ATXN7L1: variants seen among roughly 807,000 people sequenced by gnomAD.
The protein encoded by ATXN7L1 is ataxin-7-like protein 1.
ATXN7L1 carries 15 observed loss-of-function variants against 70.8 expected under a neutral mutation model. The ratio of observed to expected loss-of-function variants is 0.21; its 90% CI spans 0.14 to 0.33. ATXN7L1 has a LOEUF of 0.33. Ranked by LOEUF, ATXN7L1 falls within the 10% of genes least tolerant of loss-of-function variation. ATXN7L1 has a pLI of 1.00. For synonymous variants in ATXN7L1, 440 were observed against 445.1 expected (o/e 0.99, Z 0.14); for missense variants, 975 against 1,097.1 (o/e 0.89, Z 1.57).
intron 3 of ATXN7L1, among the ~76,000 whole-genome samples, chr7:105,687,479 G>A (rs537743358): frequency 5.9e-5 from 9 of 152,320 alleles, no homozygotes; most frequent in South Asian, 4.2e-4. Flanking sequence ...AATGGCACAA[G>A]TCCAGAGGGT....
chr7:105,637,920 A>T (rs1169728008), intron 7 of ATXN7L1, among the ~76,000 whole-genome samples: 5 of 152,096 alleles, frequency 3.3e-5, no homozygotes, highest in Non-Finnish European at 7.4e-5. Flanking sequence ...GGTGCTAACG[A>T]CCTATTCACC....
intron 2 of ATXN7L1, among the ~76,000 whole-genome samples, chr7:105,829,027 G>A (rs1811232096): frequency 6.6e-6 from 1 of 152,126 alleles, no homozygotes; most frequent in Non-Finnish European, 1.5e-5. Context: ...TTTCACTAGG[G>A]AAGATAAGCA....
intron 7 of ATXN7L1, among the ~76,000 whole-genome samples, chr7:105,629,651 GACTACAGGC>G (rs1256064785): frequency 6.6e-6 from 1 of 151,194 alleles, no homozygotes; most frequent in African/African-American, 2.4e-5. Context: ...GCGTAGCTGG[GACTACAGGC>G]ACCTGCCACC....
chr7:105,760,481 T>C (rs1800397290), intron 3 of ATXN7L1: 1 of 985,830 alleles, frequency 1.0e-6, no homozygotes, highest in Non-Finnish European at 1.2e-6. Flanking sequence ...TACTCTCCTA[T>C]ATACTGGTGA....
intron 3 of ATXN7L1, among the ~76,000 whole-genome samples, chr7:105,724,404 T>C (rs1268656382): frequency 6.6e-6 from 1 of 151,384 alleles, no homozygotes; most frequent in Non-Finnish European, 1.5e-5. Context: ...CAAAACCCCA[T>C]CTCTACTAAA....
chr7:105,644,691 G>T (rs1169293682), intron 4 of ATXN7L1, among the ~76,000 whole-genome samples: 1 of 152,194 alleles, frequency 6.6e-6, no homozygotes, highest in Non-Finnish European at 1.5e-5. Context: ...AATTAGTGCT[G>T]CATTCCTGAT....
At chr7:105,773,390 ATC>A (rs767951723) in intron 3 of ATXN7L1, among the ~76,000 whole-genome samples, 3 of 152,078 alleles carry the variant, frequency 2.0e-5, no homozygotes, top group Admixed American at 6.5e-5. Flanking sequence ...CACTATACCC[ATC>A]TCTTTCTGCT....
At chr7:105,800,470 A>C (rs1585036647) in intron 2 of ATXN7L1, among the ~76,000 whole-genome samples, 1 of 152,212 alleles carries the variant, frequency 6.6e-6, no homozygotes, top group African/African-American at 2.4e-5. Context: ...TGCTGCACTT[A>C]GCCCACTCTG....
intron 2 of ATXN7L1, among the ~76,000 whole-genome samples, chr7:105,863,543 T>C (rs886650899): frequency 6.6e-6 from 1 of 152,244 alleles, no homozygotes; most frequent in African/African-American, 2.4e-5. Context: ...ACAGGTGTCC[T>C]GGGTGCCTGC....
intron 3 of ATXN7L1, among the ~76,000 whole-genome samples, chr7:105,708,873 T>C (rs1357688499): frequency 1.3e-5 from 2 of 152,244 alleles, no homozygotes; most frequent in African/African-American, 2.4e-5. Flanking sequence ...CCTATTTGTA[T>C]ACAGAATGTC....
chr7:105,730,259 G>C (rs1796382438), intron 3 of ATXN7L1, among the ~76,000 whole-genome samples: 1 of 152,158 alleles, frequency 6.6e-6, no homozygotes, highest in South Asian at 2.1e-4. Flanking sequence ...TGATGAAAAT[G>C]GCACTTTACC....
In ATXN7L1 at chr7:105,642,868, T is replaced by G. The variant is rs1306909631; in HGVS notation, c.832A>C (p.Asn278His). 6.4e-7 allele frequency: 1 copy of G among 1,551,700 alleles called. No homozygotes were observed. The highest frequency in any genetic ancestry group is 2.4e-5 in the East Asian group (1 of 40,922). Residue 278 changes from asparagine (N) to histidine (H), a missense_variant, in exon 5 of 12, where the codon AAC becomes CAC. Asn to His is a moderately conservative substitution (Grantham distance 68). Transcript: ENST00000419735. ...IDKKHQNGTK[N>H]SNKPYRRLSE... is the part of the protein sequence containing the mutation. ...AGTCTCCTGTAAGGCTTGTTGCTGT[T>G]TTTGGTGCCATTTTGGTGTTTCTTG... is the stretch of plus-strand genomic sequence containing the variant.
At chr7:105,823,465 T>C (rs894070589) in intron 2 of ATXN7L1, among the ~76,000 whole-genome samples, 6 of 152,356 alleles carry the variant, frequency 3.9e-5, no homozygotes, top group Admixed American at 2.0e-4. Flanking sequence ...CTAGACTTGC[T>C]ACTCTGTGGC....
At chr7:105,843,365 C>G (rs975607866) in intron 2 of ATXN7L1, among the ~76,000 whole-genome samples, 13 of 152,242 alleles carry the variant, frequency 8.5e-5, no homozygotes, top group African/African-American at 3.1e-4. Context: ...GCTCAGCTTG[C>G]AGACCAATTG....
chr7:105,685,736 C>CA (rs1806113865), intron 3 of ATXN7L1, among the ~76,000 whole-genome samples: 1 of 152,192 alleles, frequency 6.6e-6, no homozygotes, highest in Non-Finnish European at 1.5e-5. Context: ...GGCTTGACCC[C>CA]AGTCAATCCC....
At chr7:105,674,211 A>G (rs1043127837) in intron 3 of ATXN7L1, among the ~76,000 whole-genome samples, 8 of 152,172 alleles carry the variant, frequency 5.3e-5, no homozygotes, top group African/African-American at 1.9e-4. Flanking sequence ...GACAAATATG[A>G]GTGTGGGCCT....
At chr7:105,653,980 G>A (rs1006861131) in intron 4 of ATXN7L1, among the ~76,000 whole-genome samples, 1 of 152,114 alleles carries the variant, frequency 6.6e-6, no homozygotes, top group Non-Finnish European at 1.5e-5. Context: ...CACTCATCAT[G>A]TCCTATGGCA....
intron 4 of ATXN7L1, among the ~76,000 whole-genome samples, chr7:105,661,142 C>G (rs1168089038): frequency 6.6e-6 from 1 of 152,144 alleles, no homozygotes; most frequent in African/African-American, 2.4e-5. Flanking sequence ...AACTGTGCAC[C>G]TGGTACAGGC....
Position 105,620,279 on chromosome 7 carries a change from C to T in ATXN7L1, c.1438G>A (p.Val480Met). ...AAACGATCCCATCTTCTATCAAACACATAGTACCCTCGTCCCATGAGGCGA... is the reference window on the plus strand; with the variant it reads ...AAACGATCCCATCTTCTATCAAACATATAGTACCCTCGTCCCATGAGGCGA... ...GSRLMGRGYY[V>M]FDRRWDRFRF... Residue 480 changes from valine to methionine, a missense_variant, in exon 9 of 12, where the codon GTG becomes ATG. Val to Met is a conservative substitution (Grantham distance 21, BLOSUM62 1). Transcript: ENST00000419735. The T allele has an allele frequency of 4.5e-6, 7 of 1,551,452 alleles. No individual in the cohort carries two copies. The highest frequency in any genetic ancestry group is 6.1e-6 in the Non-Finnish European group (7 of 1,146,854).
Sources: gnomAD v4.1 joint callset for allele counts (sites outside exome capture counted in the v4.1 genomes callset) on GRCh38, gnomAD v4.1.1 for gene constraint, MANE v1.5 for transcripts, NCBI Gene and HGNC (gene_info 2026-07-23, HGNC 2026-07-21) for gene names.